The following NAPEPLD variants were observed in gnomAD, a reference collection of about 807,000 sequenced individuals.
NAPEPLD encodes N-acyl-phosphatidylethanolamine-hydrolyzing phospholipase D.
In NAPEPLD, 23 loss-of-function variants were observed where a neutral mutation model predicts 38.1. The observed-to-expected ratio is 0.60, with a 90% CI of 0.43 to 0.86. The LOEUF is 0.86. Ranked by LOEUF, NAPEPLD falls within the 40% of genes least tolerant of loss-of-function variation. NAPEPLD has a pLI of 0.00. For synonymous variants in NAPEPLD, 147 were observed against 162.0 expected (o/e 0.91, Z 0.71); for missense variants, 411 against 476.8 (o/e 0.86, Z 1.28).
chr7:103,140,441 G>A (rs995858755), intron 1 of NAPEPLD, among the ~76,000 whole-genome samples: 31 of 128,842 alleles, frequency 2.4e-4, no homozygotes, highest in African/African-American at 8.6e-4. Context: ...CGCCCAGGCT[G>A]GAGTGCAGTG....
Position 103,103,234 on chromosome 7 carries a change from C to T in NAPEPLD, c.*195G>A. 4.2e-6 allele frequency: 2 copies of T among 477,298 alleles called. No homozygotes were observed. Among genetic ancestry groups the T allele is most frequent in the Non-Finnish European group, 3.5e-6 (1 of 283,718 alleles). 29.6% of individuals were successfully genotyped at this position (477,298 alleles called of 1,614,324 possible). A position where few individuals can be genotyped will look rare whatever the true frequency, so the allele number is the denominator to read the frequency against. On this transcript the variant is annotated 3_prime_UTR_variant, in exon 5 of 5. Coordinates refer to ENST00000465647, the MANE Select transcript of NAPEPLD (RefSeq NM_001122838.3). Reference sequence around the variant, plus strand: ...CCAATTCATTATTTAAATGACCCACCCCTGAACCCTCTCATAGTGTACATG... The same window carrying T: ...CCAATTCATTATTTAAATGACCCACTCCTGAACCCTCTCATAGTGTACATG...
At chr7:103,135,623 C>G (rs1254106069) in intron 1 of NAPEPLD, among the ~76,000 whole-genome samples, 4 of 151,984 alleles carry the variant, frequency 2.6e-5, no homozygotes, top group African/African-American at 9.7e-5. Context: ...TAAAAGAAAA[C>G]AAAGCAAACA....
chr7:103,149,482 C>G, upstream of NAPEPLD: 1 of 1,264,110 alleles, frequency 7.9e-7, no homozygotes, highest in South Asian at 1.3e-5. Context: ...GCCTCGCCAT[C>G]GTTGGGGCGA....
intron 4 of NAPEPLD, among the ~76,000 whole-genome samples, chr7:103,109,703 A>G (rs1357467628): frequency 6.6e-6 from 1 of 152,160 alleles, no homozygotes; most frequent in Non-Finnish European, 1.5e-5. Context: ...GCAAGAGCAA[A>G]CAAACTCAAA....
intron 1 of NAPEPLD, among the ~76,000 whole-genome samples, chr7:103,131,900 G>C (rs1378134349): frequency 6.6e-6 from 1 of 152,098 alleles, no homozygotes; most frequent in Non-Finnish European, 1.5e-5. Context: ...TGGATCACGA[G>C]GTCAGGAGTT....
chr7:103,128,522 T>C lies in NAPEPLD; in HGVS notation c.255A>G (p.Ile85Met). 6.2e-7 allele frequency: 1 copy of C among 1,614,244 alleles called. No individual in the cohort carries two copies. The highest frequency in any genetic ancestry group is 1.1e-5 in the South Asian group (1 of 91,090). Residue 85 changes from isoleucine to methionine, a missense_variant, in exon 2 of 5, where the codon ATA becomes ATG. By Grantham distance (10) the Ile-to-Met change is conservative (BLOSUM62 1). Transcript: ENST00000465647. ...PSIPNVLRWL[I>M]MEKDHSSVPS... is the part of the protein sequence containing the mutation. ...GAACACTGCTGTGATCTTTCTCCAT[T>C]ATCAGCCATCTGAGAACATTTGGAA...
upstream of NAPEPLD, chr7:103,149,358 C>T (rs1460418635): frequency 8.6e-7 from 1 of 1,158,238 alleles, no homozygotes; most frequent in East Asian, 9.9e-5. Context: ...CAAAGCGCCG[C>T]CGCGTAGCGG....
At chr7:103,129,619 G>A (rs542137099) in intron 1 of NAPEPLD, among the ~76,000 whole-genome samples, 39 of 152,208 alleles carry the variant, frequency 2.6e-4, no homozygotes, top group African/African-American at 9.4e-4. Flanking sequence ...CAAATCCCTG[G>A]AAAGGAGATA....
rs181844139 is a variant in NAPEPLD at position 103,107,516 on chromosome 7, C to A, written c.1057-3962G>T. On this transcript the variant is annotated intron_variant, in intron 4 of 4. Coordinates refer to ENST00000465647, the MANE Select transcript of NAPEPLD (RefSeq NM_001122838.3). ...CTAAGAACCTTGAAAAAAGGTTAGA[C>A]AAATTGCTAACTAGAAAAAACAGTT... Among the ~76,000 whole-genome samples, 739 of 152,024 alleles carry A rather than the reference C, an allele frequency of 4.9e-3. 5 individuals carry two copies. Among genetic ancestry groups the A allele is most frequent in the African/African-American group, 0.017 (708 of 41,482 alleles).
intron 1 of NAPEPLD, among the ~76,000 whole-genome samples, chr7:103,139,542 C>A (rs900561906): frequency 2.0e-5 from 3 of 152,174 alleles, no homozygotes; most frequent in African/African-American, 7.2e-5. Flanking sequence ...AGGTCAGAGA[C>A]ACTGAAAAGC....
At chr7:103,111,774 A>G (rs1160812948) in intron 4 of NAPEPLD, among the ~76,000 whole-genome samples, 2 of 152,214 alleles carry the variant, frequency 1.3e-5, no homozygotes, top group African/African-American at 4.8e-5. Context: ...TAATTAAACT[A>G]AAGAGCTTCT....
At chr7:103,122,762 T>G (rs1806981050) in intron 2 of NAPEPLD, among the ~76,000 whole-genome samples, 1 of 152,198 alleles carries the variant, frequency 6.6e-6, no homozygotes, top group Admixed American at 6.5e-5. Context: ...TGCATTTCCG[T>G]GGAGCTACTA....
chr7:103,128,785 G>T lies in NAPEPLD; in HGVS notation c.-9C>A, dbSNP rs747555715. The T allele has an allele frequency of 6.2e-7, 1 of 1,600,992 alleles. No homozygotes were observed. The highest frequency in any genetic ancestry group is 2.2e-5 in the East Asian group (1 of 44,790). On this transcript the variant is annotated 5_prime_UTR_variant, in exon 2 of 5. Transcript: ENST00000465647. ...CTTTCATTTTCATCCATGTCCTTTGGTGAAGAACTAAAAAAAACAAGGGGG... is the reference window on the plus strand; with the variant it reads ...CTTTCATTTTCATCCATGTCCTTTGTTGAAGAACTAAAAAAAACAAGGGGG...
chr7:103,134,032 T>C (rs1484247509), intron 1 of NAPEPLD, among the ~76,000 whole-genome samples: 2 of 152,206 alleles, frequency 1.3e-5, no homozygotes. Context: ...GAAGTAAAAA[T>C]GTTATCAATT....
At chr7:103,134,646 A>G (rs1442047824) in intron 1 of NAPEPLD, among the ~76,000 whole-genome samples, 7 of 152,188 alleles carry the variant, frequency 4.6e-5, no homozygotes, top group Admixed American at 4.6e-4. Context: ...CAAAATAAAT[A>G]AATAAATAAA....
At chr7:103,128,363 C>T (rs1808241327) in intron 2 of NAPEPLD, 120 bp downstream of exon 2, 6 of 1,191,470 alleles carry the variant, frequency 5.0e-6, no homozygotes, top group Admixed American at 2.3e-5. Context: ...GCCTAGGTTA[C>T]ACCTATCCAC....
In NAPEPLD at chr7:103,148,034, T is replaced by G. The variant is rs1046241680; in HGVS notation, c.-17+777A>C. 1.6e-5 allele frequency: 16 copies of G among 984,804 alleles called. No individual in the cohort carries two copies. The Admixed American group carries it at 4.9e-4, about 30-fold the overall frequency. 61.0% of individuals were successfully genotyped at this position (984,804 alleles called of 1,614,324 possible). On this transcript the variant is annotated intron_variant, in intron 1 of 4. Coordinates refer to ENST00000465647, the MANE Select transcript of NAPEPLD (RefSeq NM_001122838.3). ...ACACTATTGTGGGATATAGGTAATC[T>G]TCTTTTTAAAGATTACATAACTTCT...
chr7:103,149,679 A>G (rs998203942), upstream of NAPEPLD: 8 of 284,130 alleles, frequency 2.8e-5, no homozygotes, highest in East Asian at 1.7e-4. Flanking sequence ...TCGCGACTCA[A>G]ACACTCTGCA....
At chr7:103,122,831 A>G (rs888588906) in intron 2 of NAPEPLD, among the ~76,000 whole-genome samples, 2 of 152,224 alleles carry the variant, frequency 1.3e-5, no homozygotes, top group African/African-American at 4.8e-5. Flanking sequence ...TTGCTCAACT[A>G]TCTGCCTGTC....
Sources: allele counts gnomAD v4.1 joint callset (sites outside exome capture counted in the v4.1 genomes callset), GRCh38; gene constraint gnomAD v4.1.1; transcripts MANE v1.5; gene names NCBI Gene and HGNC (gene_info 2026-07-23, HGNC 2026-07-21).